The following NMNAT2 variants were observed in gnomAD, a reference collection of about 807,000 sequenced individuals.
NMNAT2 encodes nicotinamide nucleotide adenylyltransferase 2.
Under a neutral mutation model 41.6 loss-of-function variants are expected in NMNAT2, and 11 were observed. The ratio of observed to expected loss-of-function variants is 0.26; its 90% CI spans 0.17 to 0.44. NMNAT2 has a LOEUF of 0.44. NMNAT2 is among the 20% of genes least tolerant of loss of function. NMNAT2 has a pLI of 1.00. For synonymous variants in NMNAT2, 148 were observed against 151.2 expected, an observed-to-expected ratio of 0.98 and a Z score of 0.16; for missense variants, 288 against 407.7, an observed-to-expected ratio of 0.71 and a Z score of 2.53.
intron 10 of NMNAT2, among the ~76,000 whole-genome samples, chr1:183,254,723 C>T (rs1215378250): frequency 6.6e-6 from 1 of 152,218 alleles, no homozygotes; most frequent in African/African-American, 2.4e-5. Context: ...AGGTATGAGC[C>T]ATCACACTGT....
At chr1:183,403,859 CT>C (rs773118016) in intron 1 of NMNAT2, among the ~76,000 whole-genome samples, 2 of 152,162 alleles carry the variant, frequency 1.3e-5, no homozygotes, top group African/African-American at 2.4e-5. Context: ...TATTTCAATT[CT>C]TTACATGGGT....
intron 7 of NMNAT2, 24 bp downstream of exon 7, chr1:183,283,971 C>T (rs1180355814): frequency 6.2e-7 from 1 of 1,613,310 alleles, no homozygotes; most frequent in Admixed American, 1.7e-5. Context: ...TCCCCATTTT[C>T]CGCACTTTCG....
intron 1 of NMNAT2, among the ~76,000 whole-genome samples, chr1:183,344,791 G>A (rs958919368): frequency 1.3e-5 from 2 of 152,148 alleles, no homozygotes; most frequent in African/African-American, 4.8e-5. Flanking sequence ...TCATTTAAAC[G>A]CTATTTTACA....
intron 8 of NMNAT2, among the ~76,000 whole-genome samples, chr1:183,268,899 T>C (rs1246153583): frequency 6.6e-6 from 1 of 152,072 alleles, no homozygotes; most frequent in Non-Finnish European, 1.5e-5. Context: ...AATTTTATTT[T>C]AAATTAGCTG....
At chr1:183,325,854 A>T (rs1662451581) in intron 1 of NMNAT2, among the ~76,000 whole-genome samples, 1 of 152,120 alleles carries the variant, frequency 6.6e-6, no homozygotes, top group South Asian at 2.1e-4. Context: ...AGAAGTAAAT[A>T]TTTATGAAGC....
chr1:183,353,222 G>A (rs2102353629), intron 1 of NMNAT2, among the ~76,000 whole-genome samples: 1 of 152,150 alleles, frequency 6.6e-6, no homozygotes, highest in Non-Finnish European at 1.5e-5. Flanking sequence ...TGGCCAGGCT[G>A]GTCTTGAACT....
At chr1:183,396,375 C>T (rs1648649543) in intron 1 of NMNAT2, among the ~76,000 whole-genome samples, 1 of 152,026 alleles carries the variant, frequency 6.6e-6, no homozygotes, top group African/African-American at 2.4e-5. Context: ...AGGCAGTCTC[C>T]CAGTAGACAG....
chr1:183,383,803 C>G (rs1047414251), intron 1 of NMNAT2, among the ~76,000 whole-genome samples: 1 of 152,222 alleles, frequency 6.6e-6, no homozygotes, highest in East Asian at 1.9e-4. Context: ...GACTGTATCA[C>G]TATCAGTATT....
At chr1:183,366,360 C>T (rs502937) in intron 1 of NMNAT2, among the ~76,000 whole-genome samples, 82,969 of 152,130 alleles carry the variant, frequency 0.55, 23,208 homozygotes, top group East Asian at 0.69. Flanking sequence ...TGAGCTATCA[C>T]ATGTGAAGTG....
intron 1 of NMNAT2, among the ~76,000 whole-genome samples, chr1:183,301,939 T>C (rs904243748): frequency 2.0e-5 from 3 of 152,218 alleles, no homozygotes; most frequent in African/African-American, 7.2e-5. Context: ...CCTTCTGAAT[T>C]GTAGTCACAG....
In NMNAT2 at chr1:183,252,417, C is replaced by T; in HGVS notation, c.*224G>A. ...CACTTCCCCCGACTCCCACCCCATT[C>T]CCTCACCCACCCCCAACCCGGAGAC... On this transcript the variant is annotated 3_prime_UTR_variant, in exon 11 of 11. Transcript: ENST00000287713. The T allele has an allele frequency of 1.2e-5, 4 of 340,300 alleles. No homozygotes were observed. The highest frequency in any genetic ancestry group is 4.4e-5 in the South Asian group (2 of 45,492). The allele number at this position is 340,300 out of a possible 1,614,324, so 21.1% of individuals were successfully genotyped here. A position where few individuals can be genotyped will look rare whatever the true frequency, so the allele number is the denominator to read the frequency against.
At chr1:183,284,966 A>G (rs1184419787) in intron 5 of NMNAT2, among the ~76,000 whole-genome samples, 176 bp from the exon 6 acceptor site, 1 of 152,118 alleles carries the variant, frequency 6.6e-6, no homozygotes, top group Non-Finnish European at 1.5e-5. Context: ...TGACAGCACA[A>G]ATTCCTTCTT....
chr1:183,284,857 C>A (rs537187335), intron 5 of NMNAT2, 67 bp from the exon 6 acceptor site: 1 of 1,366,726 alleles, frequency 7.3e-7, no homozygotes, highest in South Asian at 1.2e-5. Flanking sequence ...GCACTCATGT[C>A]GGCCCGGCAT....
At chr1:183,413,829 G>T (rs187778239) in intron 1 of NMNAT2, among the ~76,000 whole-genome samples, 1 of 151,938 alleles carries the variant, frequency 6.6e-6, no homozygotes, top group Admixed American at 6.6e-5. Context: ...GGATGGTCTC[G>T]ATCTCCTGAC....
At chr1:183,301,603 G>A (rs12037564) in intron 1 of NMNAT2, among the ~76,000 whole-genome samples, 91,643 of 152,066 alleles carry the variant, frequency 0.6, 28,131 homozygotes, top group African/African-American at 0.72. Flanking sequence ...CTCCATGACC[G>A]TTGCCACATC....
chr1:183,369,905 A>T (rs1663494664), intron 1 of NMNAT2, among the ~76,000 whole-genome samples: 1 of 152,070 alleles, frequency 6.6e-6, no homozygotes, highest in African/African-American at 2.4e-5. Flanking sequence ...AGGAAACTGA[A>T]GCACAGTCAG....
chr1:183,385,399 A>T (rs1008518981), intron 1 of NMNAT2, among the ~76,000 whole-genome samples: 6 of 152,184 alleles, frequency 3.9e-5, no homozygotes, highest in Non-Finnish European at 8.8e-5. Context: ...AACAATCTAA[A>T]AATACACCTA....
At position 183,308,764 on chromosome 1, in the gene NMNAT2, A is replaced by G. The variant is rs142467129; in HGVS notation, c.86-14971T>C. Among the ~76,000 whole-genome samples the G allele has an allele frequency of 1.5e-3, 228 of 152,326 alleles. 3 individuals are homozygous for G. The highest frequency in any genetic ancestry group is 5.3e-3 in the African/African-American group (220 of 41,566). On this transcript the variant is annotated intron_variant, in intron 1 of 10. Transcript: ENST00000287713. ...TGATAATAAGAGTGGTGAAGAAAAT[A>G]ACAGGGAAAGAAGGTAGAGATTGGG...
intron 1 of NMNAT2, among the ~76,000 whole-genome samples, chr1:183,376,948 C>T (rs1222157634): frequency 6.6e-6 from 1 of 152,034 alleles, no homozygotes; most frequent in Non-Finnish European, 1.5e-5. Flanking sequence ...TTCAGGAACC[C>T]CACCAAGGGC....
Sources: gnomAD v4.1 joint callset for allele counts (sites outside exome capture counted in the v4.1 genomes callset) on GRCh38, gnomAD v4.1.1 for gene constraint, MANE v1.5 for transcripts, NCBI Gene and HGNC (gene_info 2026-07-23, HGNC 2026-07-21) for gene names.